BMP2K: variants seen among roughly 807,000 people sequenced by gnomAD.
BMP2K encodes the protein BMP-2-inducible protein kinase.
In BMP2K, 74 loss-of-function variants were observed where a neutral mutation model predicts 116.0. The observed-to-expected ratio is 0.64, with a 90% CI of 0.53 to 0.77. The LOEUF (loss-of-function observed/expected upper bound fraction) is 0.77. BMP2K is among the 30% of genes least tolerant of loss of function. The probability of loss-of-function intolerance (pLI) is 0.00; values close to 1 mark genes in which losing one functional copy is unlikely to be tolerated. For missense variants in BMP2K, 1,365 were observed against 1,403.6 expected, an observed-to-expected ratio of 0.97 and a Z score of 0.44; for synonymous variants, 486 against 502.5, an observed-to-expected ratio of 0.97 and a Z score of 0.44.
rs534415831 is a variant in BMP2K, at chr4:78,809,140, T to C, written c.179-16897T>C. ...ATGCATTTTGGGGCTTTGTTGTTAG[T>C]GTATATATGTTTGTAATATATCTTT... On this transcript the variant is annotated intron_variant, in intron 1 of 15. Coordinates refer to ENST00000502613, the MANE Select transcript of BMP2K (RefSeq NM_198892.2). Among the ~76,000 whole-genome samples, 11 of 152,372 alleles carry C rather than the reference T, an allele frequency of 7.2e-5. No individual in the cohort carries two copies. The South Asian group carries it at 2.3e-3, about 32-fold the overall frequency.
chr4:78,844,807 C>G, intron 4 of BMP2K, 121 bp from the exon 5 acceptor site: 1 of 806,002 alleles, frequency 1.2e-6, no homozygotes, highest in Non-Finnish European at 2.0e-6. Context: ...GGCATATACC[C>G]TTCGGTGTTT....
chr4:78,826,629 C>T (rs953591398), intron 2 of BMP2K, among the ~76,000 whole-genome samples: 3 of 152,080 alleles, frequency 2.0e-5, no homozygotes, highest in African/African-American at 7.2e-5. Flanking sequence ...TCTTCTATGG[C>T]GATTTGGTTC....
intron 7 of BMP2K, among the ~76,000 whole-genome samples, chr4:78,855,238 A>C (rs1477552014): frequency 6.6e-6 from 1 of 152,194 alleles, no homozygotes; most frequent in African/African-American, 2.4e-5. Context: ...GTAGGTTAAC[A>C]GATAGAAATA....
In BMP2K at chr4:78,814,232, G is replaced by C. The variant is rs1452832890; in HGVS notation, c.179-11805G>C. On this transcript the variant is annotated intron_variant, in intron 1 of 15. Coordinates refer to ENST00000502613, the MANE Select transcript of BMP2K (RefSeq NM_198892.2). The stretch of plus-strand genomic sequence containing the variant: ...AAAAATGGCATTTTCTTTTTCTCAT[G>C]CTCATGCCGTTGCAAATGCTATTCT... 2.0e-5 allele frequency among the ~76,000 whole-genome samples: 3 copies of C among 152,244 alleles called. No individual in the cohort carries two copies. The East Asian group carries it at 5.8e-4, about 29-fold the overall frequency.
At chr4:78,829,461 G>A (rs1025855760) in intron 2 of BMP2K, among the ~76,000 whole-genome samples, 12 of 145,832 alleles carry the variant, frequency 8.2e-5, no homozygotes, top group Non-Finnish European at 6.0e-5. Context: ...CTGAAGTCAT[G>A]AATTCCTCAG....
intron 1 of BMP2K, among the ~76,000 whole-genome samples, chr4:78,782,814 G>C (rs1727568006): frequency 6.6e-6 from 1 of 152,152 alleles, no homozygotes; most frequent in South Asian, 2.1e-4. Flanking sequence ...TGGATGCTGA[G>C]CTTTTTGGGG....
At chr4:78,830,533 T>C (rs1379922713) in intron 2 of BMP2K, among the ~76,000 whole-genome samples, 3 of 152,226 alleles carry the variant, frequency 2.0e-5, no homozygotes, top group Non-Finnish European at 2.9e-5. Context: ...TCTCTTTAGC[T>C]CTAAAAATCC....
At chr4:78,850,265 A>G (rs1040873009) in intron 6 of BMP2K, among the ~76,000 whole-genome samples, 10 of 151,824 alleles carry the variant, frequency 6.6e-5, no homozygotes, top group Admixed American at 5.3e-4. Context: ...ATTGTCAGCA[A>G]GTAGATTTAT....
At chr4:78,891,653 G>A (rs573649346) in intron 15 of BMP2K, among the ~76,000 whole-genome samples, 1 of 152,192 alleles carries the variant, frequency 6.6e-6, no homozygotes, top group South Asian at 2.1e-4. Context: ...CATATTATTG[G>A]ATGCAGTATA....
chr4:78,888,321 T>C (rs996717818), intron 15 of BMP2K, among the ~76,000 whole-genome samples: 10 of 152,240 alleles, frequency 6.6e-5, no homozygotes, highest in African/African-American at 2.4e-4. Flanking sequence ...TGTTTACTTA[T>C]TCTGCATAAA....
At chr4:78,869,806 GTA>G (rs1732242707) in intron 10 of BMP2K, among the ~76,000 whole-genome samples, 1 of 152,084 alleles carries the variant, frequency 6.6e-6, no homozygotes. Context: ...ATTTTTATAA[GTA>G]TTTTCAAGGA....
Position 78,833,610 on chromosome 4 carries a change from T to A in BMP2K, c.326T>A (p.Val109Glu). The change falls in exon 3 of 16, where the codon GTG (valine) becomes GAG (glutamate). Residue 109 changes from valine to glutamate, a missense_variant. Physicochemically the swap from Val to Glu is moderately radical, Grantham distance 121. This residue lies in a region of BMP2K where 762 missense variants were observed against 756.7 expected (regional missense o/e 1.01). Coordinates refer to ENST00000502613, the MANE Select transcript of BMP2K (RefSeq NM_198892.2). The stretch of plus-strand genomic sequence containing the variant: ...GAGCTATCTGGTCACAAAAATATTG[T>A]GGGCTATTTGGACTGTGCTGTTAAT... ...MKELSGHKNI[V>E]GYLDCAVNSI... 1 of 1,598,994 alleles carries A rather than the reference T, an allele frequency of 6.3e-7. No homozygotes were observed. Among genetic ancestry groups the A allele is most frequent in the East Asian group, 2.3e-5 (1 of 44,248 alleles).
chr4:78,889,019 A>G (rs543481988), intron 15 of BMP2K, among the ~76,000 whole-genome samples: 5 of 152,304 alleles, frequency 3.3e-5, no homozygotes, highest in African/African-American at 1.2e-4. Context: ...CAGGAGATCA[A>G]GACCATCCTG....
At chr4:78,787,860 A>G (rs1280118603) in intron 1 of BMP2K, among the ~76,000 whole-genome samples, 11 of 152,108 alleles carry the variant, frequency 7.2e-5, no homozygotes, top group Admixed American at 7.2e-4. Flanking sequence ...TCTGGAAGAG[A>G]GGGTTCCAGT....
Position 78,901,200 on chromosome 4 carries a change from T to C in BMP2K, c.2063-9410T>C, listed in dbSNP as rs560530221. Among the ~76,000 whole-genome samples, 9 of 152,056 alleles carry C rather than the reference T, an allele frequency of 5.9e-5. No homozygotes were observed. In the East Asian group the frequency reaches 1.7e-3, roughly 29 times the overall value. On this transcript the variant is annotated intron_variant, in intron 15 of 15. Coordinates refer to ENST00000502613, the MANE Select transcript of BMP2K (RefSeq NM_198892.2). ...CTGGGACTATAGGTGTGCACCACCATTCTCAGCTACTTTTTTATTTTATTT... is the reference window on the plus strand; with the variant it reads ...CTGGGACTATAGGTGTGCACCACCACTCTCAGCTACTTTTTTATTTTATTT...
chr4:78,777,947 A>G (rs1727324199), intron 1 of BMP2K, among the ~76,000 whole-genome samples: 1 of 152,186 alleles, frequency 6.6e-6, no homozygotes, highest in African/African-American at 2.4e-5. Flanking sequence ...GAGGTGGGAG[A>G]AGGAGGATCC....
At chr4:78,782,860 G>A (rs994729262) in intron 1 of BMP2K, among the ~76,000 whole-genome samples, 2 of 152,104 alleles carry the variant, frequency 1.3e-5, no homozygotes, top group South Asian at 4.1e-4. Flanking sequence ...GCATTCAGTT[G>A]TCCAGTAGTA....
chr4:78,896,838 G>A (rs545771950), intron 15 of BMP2K, among the ~76,000 whole-genome samples: 1 of 152,082 alleles, frequency 6.6e-6, no homozygotes, highest in Admixed American at 6.5e-5. Context: ...ATGAACATTT[G>A]GCACATGACA....
chr4:78,796,370 ACT>A (rs1368625978), intron 1 of BMP2K, among the ~76,000 whole-genome samples: 1 of 117,860 alleles, frequency 8.5e-6, no homozygotes, highest in African/African-American at 3.4e-5. Context: ...GGAACATCAC[ACT>A]CTGGGGACTG....
Sources: gnomAD v4.1 joint callset for allele counts (sites outside exome capture counted in the v4.1 genomes callset) on GRCh38, gnomAD v4.1.1 for gene constraint, gnomAD v4.1.1 regional missense constraint, MANE v1.5 for transcripts, NCBI Gene and HGNC (gene_info 2026-07-23, HGNC 2026-07-21) for gene names.